The following DENND2C variants were observed in gnomAD, a reference collection of about 807,000 sequenced individuals.
The protein encoded by DENND2C is DENN domain-containing protein 2C.
Under a neutral mutation model 112.4 loss-of-function variants are expected in DENND2C, and 72 were observed. The ratio of observed to expected loss-of-function variants is 0.64; its 90% confidence interval spans 0.53 to 0.78. DENND2C has a LOEUF of 0.78. Ranked by LOEUF, DENND2C falls within the 30% of genes least tolerant of loss-of-function variation. DENND2C has a pLI of 0.00. For synonymous variants in DENND2C, 329 were observed against 381.6 expected, an observed-to-expected ratio of 0.86 and a Z score of 1.61; for missense variants, 992 against 1,113.8, an observed-to-expected ratio of 0.89 and a Z score of 1.56.
At chr1:114,589,013 T>A (rs1420851137) in intron 18 of DENND2C, among the ~76,000 whole-genome samples, 1 of 152,248 alleles carries the variant, frequency 6.6e-6, no homozygotes, top group African/African-American at 2.4e-5. Context: ...ATTTTTATTT[T>A]TCTTTTACAG....
chr1:114,598,066 T>G (rs1655392015), intron 16 of DENND2C, among the ~76,000 whole-genome samples: 1 of 152,218 alleles, frequency 6.6e-6, no homozygotes, highest in Non-Finnish European at 1.5e-5. Context: ...GAAAACAATT[T>G]AACTTTATTT....
intron 3 of DENND2C, among the ~76,000 whole-genome samples, chr1:114,631,758 G>C (rs1430865403): frequency 2.0e-5 from 3 of 152,028 alleles, no homozygotes; most frequent in Non-Finnish European, 4.4e-5. Flanking sequence ...CTCCAGCCTG[G>C]GCAACAGAGC....
intron 3 of DENND2C, among the ~76,000 whole-genome samples, chr1:114,628,307 G>A (rs1325108562): frequency 2.8e-5 from 4 of 141,568 alleles, no homozygotes; most frequent in Admixed American, 1.4e-4. Flanking sequence ...GTGATGGAGC[G>A]AGACCCCAAC....
chr1:114,643,647 T>C (rs928869671), intron 3 of DENND2C, among the ~76,000 whole-genome samples: 1 of 152,186 alleles, frequency 6.6e-6, no homozygotes, highest in Non-Finnish European at 1.5e-5. Flanking sequence ...AAAGAAACTT[T>C]AAATAAACTC....
At chr1:114,627,979 G>T (rs1656391527) in intron 3 of DENND2C, among the ~76,000 whole-genome samples, 1 of 151,818 alleles carries the variant, frequency 6.6e-6, no homozygotes, top group Non-Finnish European at 1.5e-5. Flanking sequence ...AATGAAAATT[G>T]TCAGGGCTAA....
At chr1:114,652,174 T>C (rs553272933) in intron 2 of DENND2C, among the ~76,000 whole-genome samples, 4 of 152,286 alleles carry the variant, frequency 2.6e-5, no homozygotes, top group African/African-American at 4.8e-5. Context: ...CTGAATGCTA[T>C]GCAACTATTA....
At chr1:114,631,196 C>T (rs1390118826) in intron 3 of DENND2C, among the ~76,000 whole-genome samples, 2 of 151,008 alleles carry the variant, frequency 1.3e-5, no homozygotes, top group Non-Finnish European at 3.0e-5. Context: ...GCAAACATGG[C>T]GAAACCCCAT....
intron 8 of DENND2C, among the ~76,000 whole-genome samples, chr1:114,613,359 ACT>A (rs767127103): frequency 6.6e-6 from 1 of 152,020 alleles, no homozygotes; most frequent in Non-Finnish European, 1.5e-5. Context: ...GGTTTGGAAA[ACT>A]CTGGCTTTTC....
At chr1:114,655,736 G>A (rs1369559251) in intron 1 of DENND2C, among the ~76,000 whole-genome samples, 5 of 151,768 alleles carry the variant, frequency 3.3e-5, no homozygotes, top group African/African-American at 9.7e-5. Context: ...CACCCACCTC[G>A]GCCTCCCAAA....
intron 20 of DENND2C, chr1:114,587,065 T>G (rs1655058156): frequency 8.6e-6 from 2 of 232,270 alleles, no homozygotes; most frequent in Non-Finnish European, 1.7e-5. Flanking sequence ...ACCAGGCTAA[T>G]TTTTGTATTT....
intron 1 of DENND2C, among the ~76,000 whole-genome samples, chr1:114,659,299 G>A (rs1308820978): frequency 6.6e-6 from 1 of 151,970 alleles, no homozygotes; most frequent in African/African-American, 2.4e-5. Context: ...TCAGGAGTTC[G>A]AGACCAGCCT....
chr1:114,650,354 T>C lies in DENND2C; in HGVS notation c.-317+4151A>G, dbSNP rs114074672. Among the ~76,000 whole-genome samples the C allele has an allele frequency of 7.5e-3, 1,124 of 149,966 alleles. 8 individuals are homozygous for C. The highest frequency in any genetic ancestry group is 0.028 in the South Asian group (131 of 4,752). On this transcript the variant is annotated intron_variant, in intron 2 of 20. Coordinates refer to ENST00000393274, the MANE Select transcript of DENND2C (RefSeq NM_001256404.2). ...AAAAAAAGATGCAATTTTCAAGAATTTCAGCAATTTTCAAGAATTTCAGAC... is the reference window on the plus strand; with the variant it reads ...AAAAAAAGATGCAATTTTCAAGAATCTCAGCAATTTTCAAGAATTTCAGAC...
rs866892758 is a variant in DENND2C, at chr1:114,611,143, T to G, written c.1325-26A>C. ...CTGAAAAGAGAGAAGGAGTTTCCAT[T>G]TGTATTGTCCAACAGTAGGAAGTAC... On this transcript the variant is annotated intron_variant, in intron 8 of 20. Coordinates refer to ENST00000393274, the MANE Select transcript of DENND2C (RefSeq NM_001256404.2). 13 of 1,613,998 alleles carry G rather than the reference T, an allele frequency of 8.1e-6. No individual in the cohort carries two copies. In the Middle Eastern group the frequency reaches 1.5e-3, roughly 184 times the overall value.
chr1:114,595,482 CAAAAAAAA>C (rs1200426049), intron 17 of DENND2C: 1 of 68,866 alleles, frequency 1.5e-5, no homozygotes, highest in African/African-American at 6.1e-5. Flanking sequence ...GACTCCATCT[CAAAAAAAA>C]AAAAAAAAAG....
chr1:114,640,781 T>A (rs1656815505), intron 3 of DENND2C, among the ~76,000 whole-genome samples: 1 of 152,200 alleles, frequency 6.6e-6, no homozygotes, highest in South Asian at 2.1e-4. Flanking sequence ...CACAAAAACA[T>A]AAATTTTTTT....
At chr1:114,626,997 T>C (rs1656362541) in intron 3 of DENND2C, among the ~76,000 whole-genome samples, 1 of 152,164 alleles carries the variant, frequency 6.6e-6, no homozygotes, top group South Asian at 2.1e-4. Context: ...GCCCATCACA[T>C]AGCCTATTTC....
At chr1:114,651,681 G>A (rs768143315) in intron 2 of DENND2C, among the ~76,000 whole-genome samples, 2 of 152,204 alleles carry the variant, frequency 1.3e-5, no homozygotes, top group Non-Finnish European at 2.9e-5. Context: ...GGATCCTGCA[G>A]AGCTGAGATC....
At position 114,625,775 on chromosome 1, in the gene DENND2C, G is replaced by C; in HGVS notation, c.210C>G (p.Asn70Lys). 6.2e-7 allele frequency: 1 copy of C among 1,614,068 alleles called. No homozygotes were observed. The highest frequency in any genetic ancestry group is 8.5e-7 in the Non-Finnish European group (1 of 1,179,984). The change falls in exon 4 of 21, where the codon AAC (asparagine) becomes AAG (lysine). Residue 70 changes from asparagine (N) to lysine (K), a missense_variant. Around this residue, in one of 3 missense-constraint regions of DENND2C, gnomAD observed 470 missense variants for 472.7 expected, o/e 0.99. Transcript: ENST00000393274. ...CATTTTCACGGCTGGTTACATCCAA[G>C]TTTTTGCTCTTTCTCTCAGCTATAG... is the stretch of plus-strand genomic sequence containing the variant. ...KNPIAERKSK[N>K]LDVTSRENVG...
chr1:114,630,768 T>C (rs1656468307), intron 3 of DENND2C, among the ~76,000 whole-genome samples: 1 of 152,190 alleles, frequency 6.6e-6, no homozygotes, highest in African/African-American at 2.4e-5. Context: ...TAATACTACA[T>C]GAGGCTAGAC....
Sources: gnomAD v4.1 joint callset for allele counts (sites outside exome capture counted in the v4.1 genomes callset) on GRCh38, gnomAD v4.1.1 for gene constraint, gnomAD v4.1.1 regional missense constraint, MANE v1.5 for transcripts, NCBI Gene and HGNC (gene_info 2026-07-23, HGNC 2026-07-21) for gene names.